TEX11: variants seen among roughly 807,000 people sequenced by gnomAD.
TEX11 encodes the protein testis-expressed protein 11.
A neutral mutation model predicts 84.4 loss-of-function variants in TEX11; 7 were observed. The observed-to-expected ratio is 0.08, with a 90% CI of 0.05 to 0.16. The LOEUF (loss-of-function observed/expected upper bound fraction) is 0.16. Among genes scored for constraint, TEX11 ranks in the 10% least tolerant of loss-of-function variants. The pLI, the probability that TEX11 is intolerant of heterozygous loss-of-function variation, is 1.00. For synonymous variants in TEX11, 264 were observed against 222.8 expected (o/e 1.18, Z -1.64); for missense variants, 551 against 660.5 (o/e 0.83, Z 1.82).
At chrX:70,544,544 T>C (rs1457326230) in intron 28 of TEX11, among the ~76,000 whole-genome samples, 1 of 110,626 alleles carries the variant, frequency 9.0e-6, no homozygotes, top group Non-Finnish European at 1.9e-5. Context: ...AAATATAAAT[T>C]GACCTTGTCT....
intron 25 of TEX11, among the ~76,000 whole-genome samples, chrX:70,584,273 G>A (rs1212053610): frequency 2.0e-5 from 2 of 99,451 alleles, no homozygotes; most frequent in Admixed American, 2.2e-4. Flanking sequence ...CTGGGCGACA[G>A]AGCGAGACTC....
intron 17 of TEX11, 50 bp downstream of exon 17, chrX:70,651,400 T>C: frequency 1.1e-6 from 1 of 891,590 alleles, no homozygotes; most frequent in Non-Finnish European, 1.6e-6. Flanking sequence ...AAGAGGATTA[T>C]TTATTCTTTG....
chrX:70,808,519 T>C (rs1410210744), intron 8 of TEX11, among the ~76,000 whole-genome samples: 1 of 107,377 alleles, frequency 9.3e-6, no homozygotes, highest in African/African-American at 3.4e-5. Flanking sequence ...ATAATAATTA[T>C]TATTATTATA....
At chrX:70,782,390 T>C (rs1204039689) in intron 9 of TEX11, among the ~76,000 whole-genome samples, 2 of 110,176 alleles carry the variant, frequency 1.8e-5, no homozygotes, top group Non-Finnish European at 3.8e-5. Flanking sequence ...ACCATCGATG[T>C]TAGGAAGAAA....
At chrX:70,554,856 T>C (rs1378767981) in intron 25 of TEX11, 56 bp from the exon 26 acceptor site, 6 of 1,050,927 alleles carry the variant, frequency 5.7e-6, no homozygotes, top group Non-Finnish European at 7.5e-6. Flanking sequence ...TTATTCTCTT[T>C]GGTTGTAATT....
At chrX:70,555,008 G>A (rs1485617550) in intron 25 of TEX11, among the ~76,000 whole-genome samples, 1 of 111,365 alleles carries the variant, frequency 9.0e-6, no homozygotes, top group Non-Finnish European at 1.9e-5. Context: ...TAAGCTAACC[G>A]CTACTTCCAA....
At chrX:70,733,812 C>G (rs1311080501) in intron 11 of TEX11, among the ~76,000 whole-genome samples, 2 of 111,325 alleles carry the variant, frequency 1.8e-5, no homozygotes, top group Non-Finnish European at 3.8e-5. Context: ...GGGTATATAC[C>G]CAAAGGACTA....
At chrX:70,555,171 C>T (rs138761217) in intron 25 of TEX11, among the ~76,000 whole-genome samples, 2 of 111,854 alleles carry the variant, frequency 1.8e-5, no homozygotes. Flanking sequence ...TGGGCTGGTG[C>T]TCACTCTAAT....
intron 13 of TEX11, among the ~76,000 whole-genome samples, chrX:70,684,132 C>A (rs1352013798): frequency 1.8e-5 from 2 of 111,973 alleles, no homozygotes; most frequent in Non-Finnish European, 3.8e-5. Flanking sequence ...ACGGAAGACT[C>A]TAAAGACTCC....
At chrX:70,887,702 A>T (rs2091717167) in intron 2 of TEX11, among the ~76,000 whole-genome samples, 1 of 98,730 alleles carries the variant, frequency 1.0e-5, no homozygotes, top group Non-Finnish European at 1.9e-5. Flanking sequence ...TGCTGGTTGT[A>T]GAGCTCTAGG....
At chrX:70,744,240 A>AT in intron 9 of TEX11, 21 bp from the exon 10 acceptor site, 4 of 658,346 alleles carry the variant, frequency 6.1e-6, no homozygotes, top group African/African-American at 2.5e-5. Flanking sequence ...AAAGGAAAAA[A>AT]AATATATATA....
chrX:70,863,395 C>G (rs781353328), intron 4 of TEX11, among the ~76,000 whole-genome samples: 1 of 112,275 alleles, frequency 8.9e-6, no homozygotes, highest in East Asian at 2.8e-4. Flanking sequence ...GCAATCTTTG[C>G]TGTTCTGCAG....
intron 25 of TEX11, among the ~76,000 whole-genome samples, chrX:70,569,330 A>C (rs2088550139): frequency 9.0e-6 from 1 of 111,323 alleles, no homozygotes; most frequent in African/African-American, 3.3e-5. Context: ...AAAGTTTTCA[A>C]CTTCTTTGCC....
chrX:70,878,496 T>G (rs2091667443), intron 3 of TEX11, among the ~76,000 whole-genome samples: 1 of 110,433 alleles, frequency 9.1e-6, no homozygotes, highest in Admixed American at 9.7e-5. Flanking sequence ...ATATTGCTAG[T>G]GGGAATGTAA....
chrX:70,640,034 G>A (rs1414677968), intron 17 of TEX11, among the ~76,000 whole-genome samples: 2 of 107,977 alleles, frequency 1.9e-5, no homozygotes, highest in Non-Finnish European at 3.9e-5. Flanking sequence ...AAATTTAGAA[G>A]AATGTATAAC....
In TEX11 at chrX:70,734,939, A is replaced by T. The variant is rs747347701; in HGVS notation, c.843+5762T>A. Among the ~76,000 whole-genome samples, 4 of 112,519 alleles carry T rather than the reference A, an allele frequency of 3.6e-5. No homozygotes were observed. The South Asian group carries it at 1.5e-3, about 42-fold the overall frequency. ...ATTAGGGAAAGATACTGCTCTTGCCAATTCTATTTAACATAGTAATGAATG... is the reference window on the plus strand; with the variant it reads ...ATTAGGGAAAGATACTGCTCTTGCCTATTCTATTTAACATAGTAATGAATG... On this transcript the variant is annotated intron_variant, in intron 11 of 29. Transcript: ENST00000374333.
chrX:70,844,744 AC>A (rs1569454050), intron 7 of TEX11, among the ~76,000 whole-genome samples: 2 of 110,945 alleles, frequency 1.8e-5, no homozygotes, highest in Non-Finnish European at 3.8e-5. Flanking sequence ...ACATGGGGAA[AC>A]CCCCATCTCT....
chrX:70,678,337 T>A (rs964169966), intron 15 of TEX11, among the ~76,000 whole-genome samples: 1 of 111,042 alleles, frequency 9.0e-6, no homozygotes, highest in African/African-American at 3.3e-5. Flanking sequence ...CTGATTTATA[T>A]ACACAGGGAC....
the TEX11 span, among the ~76,000 whole-genome samples, chrX:70,520,479 C>A: frequency 8.9e-6 from 1 of 112,131 alleles, no homozygotes; most frequent in Non-Finnish European, 1.9e-5. Flanking sequence ...TGCAGAACAG[C>A]AAATATTGCT....
Sources: gnomAD v4.1 joint callset for allele counts (sites outside exome capture counted in the v4.1 genomes callset) on GRCh38, gnomAD v4.1.1 for gene constraint, MANE v1.5 for transcripts, NCBI Gene and HGNC (gene_info 2026-07-23, HGNC 2026-07-21) for gene names.